Variants in DPP10 observed in about 807,000 individuals in gnomAD.
DPP10 encodes the protein inactive dipeptidyl peptidase 10.
In DPP10, 33 loss-of-function variants were observed where a neutral mutation model predicts 120.9. That is an observed-to-expected ratio of 0.27 (90% CI 0.21 to 0.37). The LOEUF is 0.37. Ranked by LOEUF, DPP10 falls within the 10% of genes least tolerant of loss-of-function variation. The pLI is 1.00. For missense variants in DPP10, 816 were observed against 942.8 expected (o/e 0.87, Z 1.76); for synonymous variants, 337 against 326.1 (o/e 1.03, Z -0.36).
At chr2:115,490,119 G>A (rs180938025) in intron 3 of DPP10, among the ~76,000 whole-genome samples, 1 of 152,156 alleles carries the variant, frequency 6.6e-6, no homozygotes, top group African/African-American at 2.4e-5. Flanking sequence ...CACCTTCCTT[G>A]TATTTATTTA....
intron 1 of DPP10, among the ~76,000 whole-genome samples, chr2:114,718,912 G>A (rs1467917661): frequency 6.6e-6 from 1 of 152,162 alleles, no homozygotes; most frequent in Non-Finnish European, 1.5e-5. Flanking sequence ...AGCATTGGTA[G>A]TGACACACAT....
chr2:115,833,272 T>A (rs996225539), intron 21 of DPP10, among the ~76,000 whole-genome samples: 2 of 152,124 alleles, frequency 1.3e-5, no homozygotes, highest in African/African-American at 4.8e-5. Context: ...TAAACAAACA[T>A]CATAATCAGC....
chr2:115,318,291 T>G (rs2061895385), intron 2 of DPP10, among the ~76,000 whole-genome samples: 1 of 152,176 alleles, frequency 6.6e-6, no homozygotes, highest in Non-Finnish European at 1.5e-5. Flanking sequence ...CATCTCTATA[T>G]CTGTCCTCAT....
intron 5 of DPP10, among the ~76,000 whole-genome samples, chr2:115,638,811 G>T (rs1020756772): frequency 1.3e-5 from 2 of 152,146 alleles, no homozygotes; most frequent in African/African-American, 2.4e-5. Flanking sequence ...AGCCTTGTTG[G>T]GTAGGGGTTT....
intron 3 of DPP10, among the ~76,000 whole-genome samples, chr2:115,375,942 G>T (rs1460429696): frequency 6.6e-6 from 1 of 152,176 alleles, no homozygotes; most frequent in Admixed American, 6.5e-5. Context: ...TGAGATTAAG[G>T]TGGGGACACA....
rs1685157818 is a variant in DPP10, at chr2:114,811,390, G to C, written c.60+368552G>C. Among the ~76,000 whole-genome samples, 8 of 151,974 alleles carry C rather than the reference G, an allele frequency of 5.3e-5. No homozygotes were observed. The South Asian group carries it at 1.7e-3, about 32-fold the overall frequency. ...TGCCCCATCTCTGCACACAGTTTTT[G>C]CTCCATACCTTCTTTGCCACCAACA... On this transcript the variant is annotated intron_variant, in intron 1 of 25. Coordinates refer to ENST00000410059, the MANE Select transcript of DPP10 (RefSeq NM_020868.6).
At chr2:115,673,514 A>C (rs1470746940) in intron 5 of DPP10, among the ~76,000 whole-genome samples, 1 of 152,212 alleles carries the variant, frequency 6.6e-6, no homozygotes, top group Non-Finnish European at 1.5e-5. Context: ...TAATCCTAAT[A>C]ACAAGTTAGG....
chr2:115,697,227 T>A (rs1449875271), intron 7 of DPP10, among the ~76,000 whole-genome samples: 1 of 152,078 alleles, frequency 6.6e-6, no homozygotes, highest in Non-Finnish European at 1.5e-5. Flanking sequence ...AAGTTATTCC[T>A]TATCAGTAAT....
At chr2:115,579,718 A>G (rs558136518) in intron 5 of DPP10, 1 of 152,364 alleles carries the variant, frequency 6.6e-6, no homozygotes, top group South Asian at 2.1e-4. Flanking sequence ...ATCACTGACC[A>G]TTAACATTTT....
chr2:115,533,994 C>T (rs900758367), intron 5 of DPP10, among the ~76,000 whole-genome samples: 2 of 151,986 alleles, frequency 1.3e-5, no homozygotes, highest in African/African-American at 4.8e-5. Context: ...AAGAAGTAAA[C>T]ACAAGAAATA....
intron 1 of DPP10, among the ~76,000 whole-genome samples, chr2:114,648,454 T>C (rs1696306851): frequency 2.0e-5 from 3 of 152,188 alleles, no homozygotes; most frequent in Admixed American, 1.3e-4. Context: ...ATTTCTCCCT[T>C]GCTTAAGTGG....
intron 1 of DPP10, among the ~76,000 whole-genome samples, chr2:115,058,962 G>A (rs1159580975): frequency 6.6e-6 from 1 of 152,000 alleles, no homozygotes; most frequent in Non-Finnish European, 1.5e-5. Context: ...ATTATAAAAC[G>A]CAGATCTCTT....
chr2:115,262,331 T>C (rs535859612), intron 1 of DPP10, among the ~76,000 whole-genome samples: 1 of 152,136 alleles, frequency 6.6e-6, no homozygotes, highest in South Asian at 2.1e-4. Context: ...TCAATAAATG[T>C]CACAATTATT....
chr2:115,172,006 T>C (rs2053381540), intron 1 of DPP10, among the ~76,000 whole-genome samples: 1 of 152,184 alleles, frequency 6.6e-6, no homozygotes, highest in Non-Finnish European at 1.5e-5. Flanking sequence ...GTTGACTTTC[T>C]CAAGCTTCCC....
intron 1 of DPP10, among the ~76,000 whole-genome samples, chr2:114,583,914 T>C (rs994417130): frequency 1.3e-5 from 2 of 152,236 alleles, no homozygotes; most frequent in Non-Finnish European, 2.9e-5. Flanking sequence ...ATTCTCCTTC[T>C]AGGCTTTTCT....
At chr2:114,786,451 G>A (rs949719062) in intron 1 of DPP10, among the ~76,000 whole-genome samples, 2 of 152,156 alleles carry the variant, frequency 1.3e-5, no homozygotes, top group Non-Finnish European at 2.9e-5. Flanking sequence ...AGATGGTGAG[G>A]CATTTTGAAA....
chr2:114,794,466 A>G, intron 1 of DPP10, among the ~76,000 whole-genome samples: 1 of 152,290 alleles, frequency 6.6e-6, no homozygotes, highest in South Asian at 2.1e-4. Context: ...ATTGATCCAA[A>G]AATAATTTTA....
chr2:115,087,303 T>G lies in DPP10; in HGVS notation c.61-221936T>G, dbSNP rs2104532445. Among the ~76,000 whole-genome samples the G allele has an allele frequency of 1.3e-5, 2 of 152,188 alleles. 1 individual carries two copies. Among genetic ancestry groups the G allele is most frequent in the Non-Finnish European group, 2.9e-5 (2 of 68,010 alleles). Reference sequence around the variant, plus strand: ...AAGTGGTTGAAGGAAGGGATGGATTTTAGGGATTGGTTGAAGTCCTTTAAT... The same window carrying G: ...AAGTGGTTGAAGGAAGGGATGGATTGTAGGGATTGGTTGAAGTCCTTTAAT... On this transcript the variant is annotated intron_variant, in intron 1 of 25. Coordinates refer to ENST00000410059, the MANE Select transcript of DPP10 (RefSeq NM_020868.6).
chr2:115,189,066 T>A (rs2105211176), intron 1 of DPP10, among the ~76,000 whole-genome samples: 1 of 152,292 alleles, frequency 6.6e-6, no homozygotes, highest in Non-Finnish European at 1.5e-5. Flanking sequence ...TATGATGGAA[T>A]TGTTATAAAT....
Sources: allele counts gnomAD v4.1 joint callset (sites outside exome capture counted in the v4.1 genomes callset), GRCh38; gene constraint gnomAD v4.1.1; transcripts MANE v1.5; gene names NCBI Gene and HGNC (gene_info 2026-07-23, HGNC 2026-07-21).